Variants in TTC3 observed in about 807,000 individuals in gnomAD.
The protein encoded by TTC3 is E3 ubiquitin-protein ligase TTC3.
TTC3 carries 180 observed loss-of-function variants against 249.6 expected under a neutral mutation model. The ratio of observed to expected loss-of-function variants is 0.72; its 90% CI spans 0.64 to 0.82. The LOEUF (loss-of-function observed/expected upper bound fraction) is 0.82, where lower values mean the gene tolerates loss of function less well. TTC3 is among the 40% of genes least tolerant of loss of function. TTC3 has a pLI of 0.00. For synonymous variants in TTC3, 717 were observed against 805.0 expected (o/e 0.89, Z 1.85); for missense variants, 2,061 against 2,398.4 (o/e 0.86, Z 2.94).
intron 12 of TTC3, among the ~76,000 whole-genome samples, 156 bp from the exon 13 acceptor site, chr21:37,122,827 A>G (rs111801927): frequency 0.01 from 1,584 of 152,306 alleles, 18 homozygotes; most frequent in East Asian, 0.03. Context: ...TCCTAAAACT[A>G]AAGACATCTA....
chr21:37,082,559 T>A (rs1299646325), intron 1 of TTC3: 1 of 985,262 alleles, frequency 1.0e-6, no homozygotes, highest in Non-Finnish European at 1.2e-6. Context: ...CAGGGCTCAG[T>A]GTCCTGATCC....
chr21:37,113,218 G>C (rs1209232550), intron 11 of TTC3, among the ~76,000 whole-genome samples: 1 of 152,174 alleles, frequency 6.6e-6, no homozygotes, highest in Non-Finnish European at 1.5e-5. Context: ...GAAATAAAGG[G>C]CATTCAATTA....
chr21:37,099,624 A>G (rs1387496970), intron 10 of TTC3, among the ~76,000 whole-genome samples: 1 of 152,240 alleles, frequency 6.6e-6, no homozygotes, highest in Admixed American at 6.5e-5. Context: ...TACCCATCAG[A>G]TGGACAAAAG....
At chr21:37,108,631 C>T (rs566559714) in intron 11 of TTC3, among the ~76,000 whole-genome samples, 185 bp downstream of exon 11, 8 of 152,208 alleles carry the variant, frequency 5.3e-5, no homozygotes, top group South Asian at 4.1e-4. Context: ...ACAGGCTGTG[C>T]GTGAGGACAG....
At position 37,198,064 on chromosome 21, in the gene TTC3, C is replaced by T. The variant is rs571623686; in HGVS notation, c.5850+39C>T. On this transcript the variant is annotated intron_variant, in intron 44 of 45. Coordinates refer to ENST00000355666, the Ensembl canonical transcript of TTC3. ...TATAGTTTTGTTTTTTAATGAAAAA[C>T]AAGAAGCAAACAAAATTTTTAATCC... 3 of 1,522,424 alleles carry T rather than the reference C, an allele frequency of 2.0e-6. No individual in the cohort carries two copies. In the South Asian group the frequency reaches 3.8e-5, roughly 20 times the overall value. 94.3% of individuals were successfully genotyped at this position (1,522,424 alleles called of 1,614,324 possible). A position where few individuals can be genotyped will look rare whatever the true frequency, so the allele number is the denominator to read the frequency against.
At chr21:37,142,538 AGGGATGT>A (rs1569035966) in intron 20 of TTC3, among the ~76,000 whole-genome samples, 2 of 152,236 alleles carry the variant, frequency 1.3e-5, no homozygotes. Context: ...CCAACTTACA[AGGGATGT>A]GAAGGACCTC....
chr21:37,148,717 C>T, intron 23 of TTC3, 70 bp downstream of exon 23: 2 of 972,026 alleles, frequency 2.1e-6, no homozygotes, highest in Non-Finnish European at 3.0e-6. Context: ...CCCAAGAATT[C>T]CTTCCTGAAC....
intron 21 of TTC3, among the ~76,000 whole-genome samples, chr21:37,146,251 A>G (rs2078972321): frequency 2.0e-5 from 3 of 151,928 alleles, no homozygotes; most frequent in African/African-American, 7.3e-5. Flanking sequence ...ACAAATGGCC[A>G]GTCTTGGTGG....
intron 1 of TTC3, among the ~76,000 whole-genome samples, chr21:37,081,251 G>A (rs1024415677): frequency 4.6e-5 from 7 of 151,284 alleles, no homozygotes; most frequent in African/African-American, 1.7e-4. Flanking sequence ...CCAAGTAGCT[G>A]GGACTACAGG....
At chr21:37,141,223 A>T (rs1280852438) in intron 20 of TTC3, among the ~76,000 whole-genome samples, 27 of 152,172 alleles carry the variant, frequency 1.8e-4, no homozygotes, top group Non-Finnish European at 2.9e-5. Flanking sequence ...TATGTCCCTG[A>T]GGGGACAGGA....
At chr21:37,076,952 C>T (rs940744418) in intron 1 of TTC3, among the ~76,000 whole-genome samples, 2 of 151,970 alleles carry the variant, frequency 1.3e-5, no homozygotes, top group Non-Finnish European at 2.9e-5. Flanking sequence ...CTGCCCGACT[C>T]GGCCTCCCAA....
chr21:37,202,556 G>A (rs1054014), exon 46 of TTC3: 3 of 152,200 alleles, frequency 2.0e-5, no homozygotes, highest in African/African-American at 4.8e-5. Context: ...TGTTACAATC[G>A]TTCTGTGTTT....
chr21:37,175,670 A>G (rs921961149), intron 35 of TTC3, among the ~76,000 whole-genome samples: 16 of 151,670 alleles, frequency 1.1e-4, no homozygotes, highest in Non-Finnish European at 1.9e-4. Flanking sequence ...GGTATTATAT[A>G]TAGCTGATGG....
chr21:37,122,926 G>C, intron 12 of TTC3, 57 bp from the exon 13 acceptor site: 1 of 1,576,734 alleles, frequency 6.3e-7, no homozygotes, highest in Non-Finnish European at 8.7e-7. Context: ...ATCTTTTAAA[G>C]TCTGTGTTGC....
chr21:37,176,715 A>G (rs2082311360), intron 35 of TTC3, among the ~76,000 whole-genome samples: 1 of 152,194 alleles, frequency 6.6e-6, no homozygotes, highest in Middle Eastern at 3.2e-3. Flanking sequence ...ATAGTGTTAT[A>G]CTGTAGTACA....
intron 17 of TTC3, 103 bp from the exon 18 acceptor site, chr21:37,135,277 A>G (rs1486357342): frequency 7.8e-7 from 1 of 1,288,262 alleles, no homozygotes; most frequent in Non-Finnish European, 1.1e-6. Context: ...TGATGTAAAC[A>G]TTTTATCATT....
intron 38 of TTC3, 152 bp from the exon 39 acceptor site, chr21:37,188,337 ATTCATG>A: frequency 1.8e-6 from 1 of 551,240 alleles, no homozygotes. Flanking sequence ...TCAAAGTCTA[ATTCATG>A]TTCACCTATG....
chr21:37,178,910 A>C (rs564480830), intron 35 of TTC3, among the ~76,000 whole-genome samples: 1 of 152,112 alleles, frequency 6.6e-6, no homozygotes, highest in South Asian at 2.1e-4. Flanking sequence ...ACAGTGAGCC[A>C]GGATCATGCC....
intron 32 of TTC3, among the ~76,000 whole-genome samples, chr21:37,164,487 C>T (rs1158327124): frequency 6.7e-6 from 1 of 149,968 alleles, no homozygotes; most frequent in Non-Finnish European, 1.5e-5. Flanking sequence ...TACAGGCTTG[C>T]ACCACCATGC....
Sources: allele counts gnomAD v4.1 joint callset (sites outside exome capture counted in the v4.1 genomes callset), GRCh38; gene constraint gnomAD v4.1.1; transcripts MANE v1.5; gene names NCBI Gene and HGNC (gene_info 2026-07-23, HGNC 2026-07-21).